CCP110: variants seen among roughly 807,000 people sequenced by gnomAD.
CCP110 encodes centriolar coiled-coil protein of 110 kDa.
CCP110 carries 43 observed loss-of-function variants against 105.5 expected under a neutral mutation model. The ratio of observed to expected loss-of-function variants is 0.41; its 90% CI spans 0.32 to 0.53. The LOEUF (loss-of-function observed/expected upper bound fraction) is 0.53. Among genes scored for constraint, CCP110 ranks in the 20% least tolerant of loss-of-function variants. The pLI is 0.32. For missense variants in CCP110, 1,016 were observed against 1,189.1 expected, an observed-to-expected ratio of 0.85 and a Z score of 2.14; for synonymous variants, 353 against 392.1, an observed-to-expected ratio of 0.90 and a Z score of 1.18.
chr16:19,537,553 TAAC>T, exon 4 of CCP110: 1 of 1,582,994 alleles, frequency 6.3e-7, no homozygotes. Flanking sequence ...CTGGCTTCGT[TAAC>T]AAGAATAAAA....
At chr16:19,527,015 T>C (rs1319794325) in intron 1 of CCP110, 1 of 152,212 alleles carries the variant, frequency 6.6e-6, no homozygotes, top group Non-Finnish European at 1.5e-5. Context: ...CAACATTTAC[T>C]GTTTGCTAAA....
At chr16:19,546,624 C>T in intron 12 of CCP110, 150 bp downstream of exon 12, 1 of 504,440 alleles carries the variant, frequency 2.0e-6, no homozygotes. Context: ...TGAGACCAGC[C>T]TGACCAACAT....
chr16:19,550,431 G>C (rs940328147), intron 14 of CCP110, among the ~76,000 whole-genome samples: 1 of 152,218 alleles, frequency 6.6e-6, no homozygotes, highest in African/African-American at 2.4e-5. Context: ...GGGATTACAG[G>C]TGTAAGCCAC....
At chr16:19,547,540 T>C (rs1970504462) in intron 12 of CCP110, 1 of 160,648 alleles carries the variant, frequency 6.2e-6, no homozygotes, top group Admixed American at 6.3e-5. Context: ...GTAAGACCCA[T>C]CTCAAAAAAA....
rs748396842 is a variant in CCP110 at position 19,551,175 on chromosome 16, CT to C, written c.2987-20del. 6 of 1,527,240 alleles carry C rather than the reference CT, an allele frequency of 3.9e-6. No individual in the cohort carries two copies. In the African/African-American group the frequency reaches 8.2e-5, roughly 21 times the overall value. The allele number at this position is 1,527,240 out of a possible 1,614,324, so 94.6% of individuals were successfully genotyped here. On this transcript the variant is annotated intron_variant, in intron 14 of 14. Transcript: ENST00000381396. ...GAAAACCTCCCATTGAGAAGTAATA[CT>C]GGTTTTGCTCTATTTTTAGGAGTAT...
At chr16:19,546,544 C>T (rs1385265619) in intron 12 of CCP110, 70 bp downstream of exon 12, 51 of 856,608 alleles carry the variant, frequency 6.0e-5, no homozygotes, top group South Asian at 5.0e-4. Flanking sequence ...TGGCTGGGCA[C>T]GGTGGCTCAC....
intron 2 of CCP110, among the ~76,000 whole-genome samples, chr16:19,530,891 G>A (rs1969844077): frequency 6.6e-6 from 1 of 151,952 alleles, no homozygotes; most frequent in African/African-American, 2.4e-5. Flanking sequence ...GAGGGATCGG[G>A]ATCGCACCAC....
At chr16:19,533,090 T>C (rs1328682371) in intron 3 of CCP110, among the ~76,000 whole-genome samples, 2 of 152,246 alleles carry the variant, frequency 1.3e-5, no homozygotes, top group East Asian at 3.8e-4. Context: ...TGTTCTGACA[T>C]GTGGATCATT....
At chr16:19,534,286 C>T (rs1282161773) in intron 3 of CCP110, among the ~76,000 whole-genome samples, 1 of 152,032 alleles carries the variant, frequency 6.6e-6, no homozygotes, top group East Asian at 1.9e-4. Flanking sequence ...ATTCTTGGTC[C>T]ATTGAGGGAA....
chr16:19,542,392 T>G (rs957169734), intron 6 of CCP110, among the ~76,000 whole-genome samples: 3 of 152,220 alleles, frequency 2.0e-5, no homozygotes, highest in Admixed American at 2.0e-4. Flanking sequence ...AATTCCCTAG[T>G]CCCTTTAAAT....
exon 8 of CCP110, chr16:19,542,908 A>T: frequency 5.6e-6 from 9 of 1,613,016 alleles, no homozygotes; most frequent in Non-Finnish European, 7.6e-6. Context: ...AGCAAAATTT[A>T]ACAAAATAAC....
chr16:19,551,266 G>C, exon 15 of CCP110: 2 of 1,597,414 alleles, frequency 1.3e-6, no homozygotes, highest in Non-Finnish European at 1.7e-6. Flanking sequence ...ACATTCATTA[G>C]GATAAAATGG....
exon 15 of CCP110, chr16:19,551,280 G>T: frequency 6.4e-7 from 1 of 1,565,944 alleles, no homozygotes; most frequent in Non-Finnish European, 8.8e-7. Flanking sequence ...AAAATGGGGG[G>T]AAGGATTATT....
At position 19,540,868 on chromosome 16, in the gene CCP110, C is replaced by A. The variant is rs993378780; in HGVS notation, c.2049+81C>A. The stretch of plus-strand genomic sequence containing the variant: ...ATGAATTTTGGTCATGTATAGAATA[C>A]GTGTAATTTTTGCCTCCATATATCT... On this transcript the variant is annotated intron_variant, in intron 5 of 14. Transcript: ENST00000381396. The A allele has an allele frequency of 7.7e-6, 10 of 1,303,392 alleles. No homozygotes were observed. In the East Asian group the frequency reaches 2.5e-4, roughly 32 times the overall value. The allele number at this position is 1,303,392 out of a possible 1,614,324, so 80.7% of individuals were successfully genotyped here.
rs571703398 is a variant in CCP110, at chr16:19,536,878, A to G, written c.1209A>G (p.Gly403=). Reference sequence around the variant, plus strand: ...ATGCCTGTGAATTAAGCCCTAAAGGAAAAGAACAGGCAATGGACTTAATTA... The same window carrying G: ...ATGCCTGTGAATTAAGCCCTAAAGGGAAAGAACAGGCAATGGACTTAATTA... Residue 403 remains glycine, a synonymous_variant, in exon 4 of 15, where the codon GGA becomes GGG. Coordinates refer to ENST00000381396, the Ensembl canonical transcript of CCP110. 1.2e-5 allele frequency: 20 copies of G among 1,614,172 alleles called. No homozygotes were observed. The South Asian group carries it at 2.1e-4, about 17-fold the overall frequency.
chr16:19,534,872 C>CTTTTTTTTTTTTT (rs35522152), intron 3 of CCP110, among the ~76,000 whole-genome samples: 2 of 100,536 alleles, frequency 2.0e-5, no homozygotes, highest in African/African-American at 4.2e-5. Flanking sequence ...AATATTCAGA[C>CTTTTTTTTTTTTT]TTTTTTTTTT....
intron 3 of CCP110, among the ~76,000 whole-genome samples, chr16:19,532,959 T>C (rs1354551979): frequency 6.6e-6 from 1 of 152,234 alleles, no homozygotes; most frequent in Non-Finnish European, 1.5e-5. Context: ...GTGAAAACTC[T>C]TAGATACACA....
intron 14 of CCP110, among the ~76,000 whole-genome samples, chr16:19,549,042 T>A (rs1970551840): frequency 6.6e-6 from 1 of 152,192 alleles, no homozygotes; most frequent in African/African-American, 2.4e-5. Context: ...GAGGAGGGCT[T>A]CATATTTTGC....
At chr16:19,540,952 G>T (rs1367433638) in intron 5 of CCP110, among the ~76,000 whole-genome samples, 165 bp downstream of exon 5, 1 of 152,120 alleles carries the variant, frequency 6.6e-6, no homozygotes, top group Non-Finnish European at 1.5e-5. Context: ...TATGAATTTT[G>T]ATATTTAGAT....
Sources: gnomAD v4.1 joint callset for allele counts (sites outside exome capture counted in the v4.1 genomes callset) on GRCh38, gnomAD v4.1.1 for gene constraint, MANE v1.5 for transcripts, NCBI Gene and HGNC (gene_info 2026-07-23, HGNC 2026-07-21) for gene names.